Variants in ADAM30 observed in about 807,000 individuals in gnomAD.
The protein encoded by ADAM30 is ADAM metallopeptidase domain 30, also known as disintegrin and metalloproteinase domain-containing protein 30.
For synonymous variants in ADAM30, 382 were observed against 340.9 expected, an observed-to-expected ratio of 1.12 and a Z score of -1.33; for missense variants, 960 against 959.4, an observed-to-expected ratio of 1.00 and a Z score of -0.01.
At position 119,895,976 on chromosome 1, in the gene ADAM30, C is replaced by A. The variant is rs752310831; in HGVS notation, c.361G>T (p.Asp121Tyr). The stretch of plus-strand genomic sequence containing the variant: ...CATGTGCTTATAGTAGCTTTAGAGT[C>A]CAGAGACTCTTTCACGGAGCCCATG... Reference protein sequence around the residue: ...NYMGSVKESLDSKATISTCMG... With the variant: ...NYMGSVKESLYSKATISTCMG... Residue 121 changes from aspartate (D) to tyrosine (Y), a missense_variant, in exon 1 of 1, where the codon GAC becomes TAC. Asp to Tyr is a radical substitution (Grantham distance 160). Coordinates refer to ENST00000369400, the MANE Select transcript of ADAM30 (RefSeq NM_021794.4). 4.3e-6 allele frequency: 7 copies of A among 1,614,134 alleles called. No homozygotes were observed. The highest frequency in any genetic ancestry group is 4.2e-6 in the Non-Finnish European group (5 of 1,180,030).
Position 119,894,473 on chromosome 1 carries a change from T to A in ADAM30, c.1864A>T (p.Asn622Tyr). 6.2e-7 allele frequency: 1 copy of A among 1,614,140 alleles called. No homozygotes were observed. The highest frequency in any genetic ancestry group is 8.5e-7 in the Non-Finnish European group (1 of 1,180,048). The change falls in exon 1 of 1, where the codon AAT (asparagine) becomes TAT (tyrosine). Residue 622 changes from asparagine to tyrosine, a missense_variant. By Grantham distance (143) the Asn-to-Tyr change is moderately radical. Coordinates refer to ENST00000369400, the MANE Select transcript of ADAM30 (RefSeq NM_021794.4). ...CGEGRVCFKK[N>Y]CVNSSVLQFD... ...TGCAGGACTGAGCTATTGACGCAAT[T>A]TTTTTTAAAACATACCCGGCCTTCT...
rs868798393 is a variant in ADAM30 at position 119,894,312 on chromosome 1, T to G, written c.2025A>C (p.Pro675=). 8.1e-6 allele frequency: 13 copies of G among 1,614,168 alleles called. No homozygotes were observed. The Middle Eastern group carries it at 2.0e-3, about 246-fold the overall frequency. ...GYGGSIDSGP[P]GLLRGAIPSS... is the part of the protein sequence containing the mutation. The stretch of plus-strand genomic sequence containing the variant: ...AGGGAATCGCCCCTCTGAGCAGTCC[T>G]GGAGGCCCACTGTCAATGCTTCCTC... The change falls in exon 1 of 1, where the codon CCA becomes CCC. Residue 675 remains proline, a synonymous_variant. Transcript: ENST00000369400.
In ADAM30 at chr1:119,894,921, C is replaced by T. The variant is rs762302511; in HGVS notation, c.1416G>A (p.Gly472=). The part of the protein sequence containing the change: ...NECDLAEYCD[G]NSSSCPNDVY... The stretch of plus-strand genomic sequence containing the variant: ...CGTCATTTGGGCAGGAACTTGAATT[C>T]CCGTCGCAGTACTCTGCAAGGTCAC... Residue 472 remains glycine (G), a synonymous_variant, in exon 1 of 1, where the codon GGG becomes GGA. Coordinates refer to ENST00000369400, the MANE Select transcript of ADAM30 (RefSeq NM_021794.4). 1 of 1,614,182 alleles carries T rather than the reference C, an allele frequency of 6.2e-7. No individual in the cohort carries two copies. The highest frequency in any genetic ancestry group is 1.1e-5 in the South Asian group (1 of 91,076).
Position 119,894,452 on chromosome 1 carries a change from G to A in ADAM30, c.1885C>T (p.Leu629=). Residue 629 remains leucine (L), a synonymous_variant, in exon 1 of 1, where the codon CTG becomes TTG. Transcript: ENST00000369400. ...TTCTCAGGCAAACAGTCAAACTGCA[G>A]GACTGAGCTATTGACGCAATTTTTT... The part of the protein sequence containing the change: ...FKKNCVNSSV[L]QFDCLPEKCN... 1.2e-6 allele frequency: 2 copies of A among 1,614,182 alleles called. No homozygotes were observed. The highest frequency in any genetic ancestry group is 1.7e-6 in the Non-Finnish European group (2 of 1,180,036).
chr1:119,896,055 T>C lies in ADAM30; in HGVS notation c.282A>G (p.Thr94=). The C allele has an allele frequency of 1.2e-6, 2 of 1,614,140 alleles. No homozygotes were observed. Among genetic ancestry groups the C allele is most frequent in the East Asian group, 2.2e-5 (1 of 44,866 alleles). The change falls in exon 1 of 1, where the codon ACA becomes ACG. Residue 94 remains threonine, a synonymous_variant. Transcript: ENST00000369400. Reference sequence around the variant, plus strand: ...GATCCTCCAGCAGTTCCCCATGTTCTGTGAAGGAGAAAACGCGCAGATGTC... The same window carrying C: ...GATCCTCCAGCAGTTCCCCATGTTCCGTGAAGGAGAAAACGCGCAGATGTC... ...LPRHLRVFSF[T]EHGELLEDHP... is the part of the protein sequence containing the mutation.
chr1:119,894,581 A>G lies in ADAM30; in HGVS notation c.1756T>C (p.Cys586Arg). The G allele has an allele frequency of 6.2e-7, 1 of 1,614,198 alleles. No individual in the cohort carries two copies. The highest frequency in any genetic ancestry group is 8.5e-7 in the Non-Finnish European group (1 of 1,180,048). ...GATAGATGATAGCCTGTGCCCCAGC[A>G]CATGAGATTTTCTGCCTGTAAATGA... Reference protein sequence around the residue: ...STHLQAENLMCWGTGYHLSMK... With the variant: ...STHLQAENLMRWGTGYHLSMK... The change falls in exon 1 of 1, where the codon TGC becomes CGC. Residue 586 changes from cysteine to arginine, a missense_variant. Transcript: ENST00000369400.
chr1:119,894,511 C>G lies in ADAM30; in HGVS notation c.1826G>C (p.Gly609Ala), dbSNP rs370710388. Reference protein sequence around the residue: ...GIPDLGMINDGTSCGEGRVCF... With the variant: ...GIPDLGMINDATSCGEGRVCF... ...TACCCGGCCTTCTCCACAGGAGGTG[C>G]CATCATTTATCATACCTAGGTCAGG... The change falls in exon 1 of 1, where the codon GGC (glycine) becomes GCC (alanine). Residue 609 changes from glycine (G) to alanine (A), a missense_variant. By Grantham distance (60) the Gly-to-Ala change is moderately conservative. Coordinates refer to ENST00000369400, the MANE Select transcript of ADAM30 (RefSeq NM_021794.4). The G allele has an allele frequency of 1.1e-5, 18 of 1,613,856 alleles. No homozygotes were observed. Among genetic ancestry groups the G allele is most frequent in the Non-Finnish European group, 1.5e-5 (18 of 1,180,044 alleles).
At position 119,895,325 on chromosome 1, in the gene ADAM30, G is replaced by A. The variant is rs1342939884; in HGVS notation, c.1012C>T (p.His338Tyr). ...ATTCCTACAGCATGACCCAGCTCAT[G>A]AGCAGACCAGGTAGCAGGGGCAAGG... ...NILAPATWSAHELGHAVGMSH... is the reference protein window; with the variant it reads ...NILAPATWSAYELGHAVGMSH... Residue 338 changes from histidine (H) to tyrosine (Y), a missense_variant, in exon 1 of 1, where the codon CAT (histidine) becomes TAT (tyrosine). Transcript: ENST00000369400. 6.2e-7 allele frequency: 1 copy of A among 1,614,124 alleles called. No individual in the cohort carries two copies. The highest frequency in any genetic ancestry group is 8.5e-7 in the Non-Finnish European group (1 of 1,180,028).
rs751092074 is a variant in ADAM30 at position 119,895,863 on chromosome 1, G to T, written c.474C>A (p.Val158=). Residue 158 remains valine (V), a synonymous_variant, in exon 1 of 1, where the codon GTC becomes GTA. Transcript: ENST00000369400. ...PLKASPSFEH[V]VYLLKKEQFG... ...ACTGCTCTTTCTTCAGGAGATAGAC[G>T]ACATGTTCAAAACTGGGAGAGGCCT... 5 of 1,614,142 alleles carry T rather than the reference G, an allele frequency of 3.1e-6. No individual in the cohort carries two copies. Among genetic ancestry groups the T allele is most frequent in the Non-Finnish European group, 4.2e-6 (5 of 1,180,024 alleles).
Position 119,895,718 on chromosome 1 carries a change from A to G in ADAM30, c.619T>C (p.Leu207=), listed in dbSNP as rs1476250875. 1.2e-6 allele frequency: 2 copies of G among 1,614,042 alleles called. No individual in the cohort carries two copies. Among genetic ancestry groups the G allele is most frequent in the African/African-American group, 2.7e-5 (2 of 74,920 alleles). The change falls in exon 1 of 1, where the codon TTG becomes CTG. Residue 207 remains leucine, a synonymous_variant. Coordinates refer to ENST00000369400, the MANE Select transcript of ADAM30 (RefSeq NM_021794.4). ...CTACTTTGATCAAAGAGTAGGATCAATTCCAAGTACTTTGGGTGTTTATAG... is the reference window on the plus strand; with the variant it reads ...CTACTTTGATCAAAGAGTAGGATCAGTTCCAAGTACTTTGGGTGTTTATAG... ...GSYKHPKYLE[L]ILLFDQSRYR...
chr1:119,895,310 C>T lies in ADAM30; in HGVS notation c.1027G>A (p.Ala343Thr). Reference protein sequence around the residue: ...ATWSAHELGHAVGMSHDEQYC... With the variant: ...ATWSAHELGHTVGMSHDEQYC... Reference sequence around the variant, plus strand: ...TGTTCATCATGTGACATTCCTACAGCATGACCCAGCTCATGAGCAGACCAG... The same window carrying T: ...TGTTCATCATGTGACATTCCTACAGTATGACCCAGCTCATGAGCAGACCAG... The change falls in exon 1 of 1, where the codon GCT becomes ACT. Residue 343 changes from alanine (A) to threonine (T), a missense_variant. Ala to Thr is a moderately conservative substitution (Grantham distance 58). Transcript: ENST00000369400. 1.2e-6 allele frequency: 2 copies of T among 1,614,186 alleles called. No homozygotes were observed. Among genetic ancestry groups the T allele is most frequent in the South Asian group, 2.2e-5 (2 of 91,080 alleles).
At position 119,895,995 on chromosome 1, in the gene ADAM30, G is replaced by A. The variant is rs376920145; in HGVS notation, c.342C>T (p.Gly114=). ...TAGAGTCCAGAGACTCTTTCACGGA[G>A]CCCATGTAGTTGCAGTCCTTTGGTA... ...PYIPKDCNYM[G]SVKESLDSKA... Residue 114 remains glycine, a synonymous_variant, in exon 1 of 1, where the codon GGC becomes GGT. Transcript: ENST00000369400. 387 of 1,614,140 alleles carry A rather than the reference G, an allele frequency of 2.4e-4. 3 individuals are homozygous for A. In the South Asian group the frequency reaches 3.5e-3, roughly 15 times the overall value.
rs143551905 is a variant in ADAM30 at position 119,895,820 on chromosome 1, C to T, written c.517G>A (p.Gly173Ser). Residue 173 changes from glycine to serine, a missense_variant, in exon 1 of 1, where the codon GGC becomes AGC. Physicochemically the swap from Gly to Ser is moderately conservative, Grantham distance 56 (BLOSUM62 0). Transcript: ENST00000369400. ...CATTCTATTTCATCATCACTTAAGC[C>T]ACAAACCTGATTCCCAAACTGCTCT... Reference protein sequence around the residue: ...KKEQFGNQVCGLSDDEIEWQM... With the variant: ...KKEQFGNQVCSLSDDEIEWQM... 8.7e-5 allele frequency: 140 copies of T among 1,614,038 alleles called. No homozygotes were observed. The highest frequency in any genetic ancestry group is 3.3e-4 in the Middle Eastern group (2 of 6,084).
chr1:119,895,513 C>A lies in ADAM30; in HGVS notation c.824G>T (p.Arg275Ile). 1 of 1,613,808 alleles carries A rather than the reference C, an allele frequency of 6.2e-7. No homozygotes were observed. The highest frequency in any genetic ancestry group is 8.5e-7 in the Non-Finnish European group (1 of 1,180,034). ...TACACTTTTTTTATATATTACAAAT[C>A]TGCCTAAAACTTCAGCTAACTCTGG... The part of the protein sequence containing the change: ...GYPELAEVLG[R>I]FVIYKKSVLN... Residue 275 changes from arginine to isoleucine, a missense_variant, in exon 1 of 1, where the codon AGA (arginine) becomes ATA (isoleucine). Physicochemically the swap from Arg to Ile is moderately conservative, Grantham distance 97 (BLOSUM62 -3). Transcript: ENST00000369400.
rs1220800602 is a variant in ADAM30, at chr1:119,896,293, A to AT, written c.43_44insA (p.Leu15HisfsTer10). 2 of 1,607,198 alleles carry AT rather than the reference A, an allele frequency of 1.2e-6. No individual in the cohort carries two copies. Among genetic ancestry groups the AT allele is most frequent in the African/African-American group, 2.7e-5 (2 of 74,832 alleles). On this transcript the variant is annotated frameshift_variant, in exon 1 of 1. Coordinates refer to ENST00000369400, the MANE Select transcript of ADAM30 (RefSeq NM_021794.4). LOFTEE classifies it low-confidence loss of function (END_TRUNC). ...AAGGAGCATTGTCGGAACTAGTAGA[A>AT]GGAGCAAACGGCATTGGGAGAGGAA...
At position 119,893,687 on chromosome 1, in the gene ADAM30, A is replaced by T; in HGVS notation, c.*277T>A. The T allele has an allele frequency of 2.0e-6, 1 of 493,564 alleles. No homozygotes were observed. The highest frequency in any genetic ancestry group is 3.7e-5 in the East Asian group (1 of 27,170). The allele number at this position is 493,564 out of a possible 1,614,324, so 30.6% of individuals were successfully genotyped here. ...TTGAATAGCATGGTAATTCTAGGAA[A>T]CTCACTACTTTCAGAGCTTTAGTGT... On this transcript the variant is annotated 3_prime_UTR_variant, in exon 1 of 1. Transcript: ENST00000369400.
Position 119,895,691 on chromosome 1 carries a change from A to G in ADAM30, c.646T>C (p.Tyr216His). ...ELILLFDQSR[Y>H]RFVNNNLSQV... ...GAAAGATTGTTGTTCACAAACCTAT[A>G]CCTACTTTGATCAAAGAGTAGGATC... The change falls in exon 1 of 1, where the codon TAT becomes CAT. Residue 216 changes from tyrosine (Y) to histidine (H), a missense_variant. Physicochemically the swap from Tyr to His is moderately conservative, Grantham distance 83. Coordinates refer to ENST00000369400, the MANE Select transcript of ADAM30 (RefSeq NM_021794.4). The G allele has an allele frequency of 6.2e-7, 1 of 1,614,052 alleles. No individual in the cohort carries two copies. Among genetic ancestry groups the G allele is most frequent in the Non-Finnish European group, 8.5e-7 (1 of 1,180,000 alleles).
chr1:119,894,959 C>G lies in ADAM30; in HGVS notation c.1378G>C (p.Glu460Gln). Residue 460 changes from glutamate to glutamine, a missense_variant, in exon 1 of 1, where the codon GAA becomes CAA. Transcript: ENST00000369400. ...FRPSGYVCRQ[E>Q]GNECDLAEYC... ...TCTGCAAGGTCACATTCATTTCCTT[C>G]CTGCCTACACACGTATCCAGATGGA... 1 of 1,614,196 alleles carries G rather than the reference C, an allele frequency of 6.2e-7. No individual in the cohort carries two copies. Among genetic ancestry groups the G allele is most frequent in the Non-Finnish European group, 8.5e-7 (1 of 1,180,042 alleles).
chr1:119,893,630 T>C lies in ADAM30; in HGVS notation c.*334A>G, dbSNP rs759687691. ...GAGGGAGAGGCAGACAATTGCTTTG[T>C]TCCCTGGGATTCTGAGAAACAAGAC... On this transcript the variant is annotated 3_prime_UTR_variant, in exon 1 of 1. Transcript: ENST00000369400. 3.3e-6 allele frequency: 1 copy of C among 299,998 alleles called. No homozygotes were observed. The highest frequency in any genetic ancestry group is 6.0e-6 in the Non-Finnish European group (1 of 165,370). The allele number at this position is 299,998 out of a possible 1,614,324, so 18.6% of individuals were successfully genotyped here.
Sources: allele counts gnomAD v4.1 joint callset, GRCh38; gene constraint gnomAD v4.1.1; transcripts MANE v1.5; gene names NCBI Gene and HGNC (gene_info 2026-07-23, HGNC 2026-07-21).